The following PCDH15 variants were observed in gnomAD, a reference collection of about 807,000 sequenced individuals.
PCDH15 encodes protocadherin-15.
Under a neutral mutation model 178.5 loss-of-function variants are expected in PCDH15, and 129 were observed. That is an observed-to-expected ratio of 0.72 (90% CI 0.63 to 0.84). The LOEUF is 0.84. PCDH15 is among the 40% of genes least tolerant of loss of function. The probability of loss-of-function intolerance (pLI) is 0.00; values close to 1 mark genes in which losing one functional copy is unlikely to be tolerated. For synonymous variants in PCDH15, 800 were observed against 732.0 expected, an observed-to-expected ratio of 1.09 and a Z score of -1.50; for missense variants, 2,230 against 2,099.9, an observed-to-expected ratio of 1.06 and a Z score of -1.21.
At chr10:55,415,041 T>C (rs1838443042) in intron 2 of PCDH15, among the ~76,000 whole-genome samples, 1 of 151,606 alleles carries the variant, frequency 6.6e-6, no homozygotes, top group South Asian at 2.1e-4. Flanking sequence ...ATTATGTTAG[T>C]TGTAAGATGT....
intron 2 of PCDH15, among the ~76,000 whole-genome samples, chr10:55,412,920 C>CACAT (rs1433650367): frequency 7.1e-6 from 1 of 139,898 alleles, no homozygotes; most frequent in Non-Finnish European, 1.6e-5. Context: ...CACACACACA[C>CACAT]GGCAAATTGA....
chr10:54,548,057 C>A (rs1434880001), intron 2 of PCDH15, among the ~76,000 whole-genome samples: 1 of 146,556 alleles, frequency 6.8e-6, no homozygotes, highest in African/African-American at 2.5e-5. Flanking sequence ...TGAAAACATG[C>A]GCCACTGCAC....
Position 54,650,250 on chromosome 10 carries a change from C to T in PCDH15, c.91+13922G>A, listed in dbSNP as rs1032787309. Among the ~76,000 whole-genome samples the T allele has an allele frequency of 3.9e-5, 6 of 152,190 alleles. No homozygotes were observed. In the South Asian group the frequency reaches 1.0e-3, roughly 26 times the overall value. The stretch of plus-strand genomic sequence containing the variant: ...AAATCACAGGACAGCATGTGGCTAT[C>T]GCATTTCAAGCTGAGATAACAGATT... On this transcript the variant is annotated intron_variant, in intron 2 of 37. Coordinates refer to ENST00000644397, the MANE Select transcript of PCDH15 (RefSeq NM_001384140.1).
chr10:54,634,126 C>T (rs1398366920), intron 2 of PCDH15, among the ~76,000 whole-genome samples: 2 of 151,804 alleles, frequency 1.3e-5, no homozygotes, highest in Non-Finnish European at 2.9e-5. Context: ...TTGATTCTTA[C>T]CAAAAACAAT....
chr10:54,529,442 A>G (rs1201986596), intron 2 of PCDH15, among the ~76,000 whole-genome samples: 1 of 152,086 alleles, frequency 6.6e-6, no homozygotes, highest in Non-Finnish European at 1.5e-5. Context: ...CATGTACCCA[A>G]ATCAAAAGTG....
chr10:53,824,796 T>G (rs2076565774), intron 32 of PCDH15, among the ~76,000 whole-genome samples: 1 of 152,070 alleles, frequency 6.6e-6, no homozygotes, highest in African/African-American at 2.4e-5. Context: ...CACATCACTT[T>G]GACTAAAAGA....
At chr10:54,100,159 A>G (rs547091858) in intron 15 of PCDH15, among the ~76,000 whole-genome samples, 98 of 152,184 alleles carry the variant, frequency 6.4e-4, no homozygotes, top group African/African-American at 2.3e-3. Context: ...CGATGTCAGG[A>G]GTTTGAGACC....
At chr10:54,300,141 C>T (rs993816726) in intron 8 of PCDH15, among the ~76,000 whole-genome samples, 1 of 152,114 alleles carries the variant, frequency 6.6e-6, no homozygotes, top group East Asian at 1.9e-4. Flanking sequence ...GGACTCTGCA[C>T]CTTCTTAGGG....
At chr10:54,221,898 T>C (rs949862969) in intron 9 of PCDH15, among the ~76,000 whole-genome samples, 2 of 152,228 alleles carry the variant, frequency 1.3e-5, no homozygotes, top group African/African-American at 4.8e-5. Context: ...CCACCCTGCC[T>C]GGCCTTACAG....
intron 23 of PCDH15, among the ~76,000 whole-genome samples, chr10:53,945,322 T>A (rs1381695351): frequency 6.6e-6 from 1 of 152,194 alleles, no homozygotes; most frequent in East Asian, 1.9e-4. Flanking sequence ...AAATTTTATA[T>A]ACTTATGGTG....
intron 2 of PCDH15, among the ~76,000 whole-genome samples, chr10:55,132,218 T>A (rs890030740): frequency 6.6e-6 from 1 of 152,192 alleles, no homozygotes; most frequent in African/African-American, 2.4e-5. Context: ...TATGGCTAAC[T>A]TCTTATACTT....
intron 1 of PCDH15, among the ~76,000 whole-genome samples, chr10:55,302,362 A>G (rs939000379): frequency 2.0e-5 from 3 of 152,152 alleles, no homozygotes; most frequent in Admixed American, 6.6e-5. Context: ...TTGTGTTCAA[A>G]TATTCATTAC....
intron 8 of PCDH15, among the ~76,000 whole-genome samples, chr10:54,268,671 T>C (rs2057853017): frequency 6.6e-6 from 1 of 151,866 alleles, no homozygotes; most frequent in Non-Finnish European, 1.5e-5. Flanking sequence ...AGAAAAATCT[T>C]TAAGATATGT....
chr10:55,439,595 A>ATT (rs34013835), intron 2 of PCDH15, among the ~76,000 whole-genome samples: 108 of 150,566 alleles, frequency 7.2e-4, no homozygotes, highest in African/African-American at 2.1e-3. Flanking sequence ...AGTTTATGGC[A>ATT]TTTTTTTTTT....
At chr10:54,305,713 G>A (rs1201459507) in intron 8 of PCDH15, among the ~76,000 whole-genome samples, 4 of 151,930 alleles carry the variant, frequency 2.6e-5, no homozygotes, top group Non-Finnish European at 5.9e-5. Context: ...TAATTCTTGA[G>A]GGAACCTATT....
intron 1 of PCDH15, among the ~76,000 whole-genome samples, chr10:54,751,882 A>C (rs575626485): frequency 6.6e-6 from 1 of 152,282 alleles, no homozygotes; most frequent in African/African-American, 2.4e-5. Flanking sequence ...CTTTCCCAAT[A>C]TTATAAAAAG....
intron 7 of PCDH15, among the ~76,000 whole-genome samples, chr10:54,324,602 C>T (rs186151634): frequency 2.0e-5 from 3 of 151,948 alleles, no homozygotes; most frequent in East Asian, 1.9e-4. Context: ...TCCGTTTCTA[C>T]TAAAAATACA....
At chr10:55,579,253 C>T (rs559657827) in intron 2 of PCDH15, among the ~76,000 whole-genome samples, 7 of 152,020 alleles carry the variant, frequency 4.6e-5, no homozygotes, top group African/African-American at 1.7e-4. Context: ...AGATGAGTAA[C>T]AATATAAAAG....
intron 3 of PCDH15, among the ~76,000 whole-genome samples, chr10:54,441,103 TAA>T (rs971336198): frequency 1.3e-5 from 2 of 151,918 alleles, no homozygotes. Context: ...GATCATTTGC[TAA>T]AAGAGGGTTG....
Sources: allele counts gnomAD v4.1 joint callset (sites outside exome capture counted in the v4.1 genomes callset), GRCh38; gene constraint gnomAD v4.1.1; transcripts MANE v1.5; gene names NCBI Gene and HGNC (gene_info 2026-07-23, HGNC 2026-07-21).